The following STARD3NL variants were observed in gnomAD, a reference collection of about 807,000 sequenced individuals.
STARD3NL encodes the protein STARD3 N-terminal like.
STARD3NL carries 17 observed loss-of-function variants against 30.9 expected under a neutral mutation model. That is an observed-to-expected ratio of 0.55 (90% confidence interval 0.38 to 0.82). The LOEUF is 0.82. Among genes scored for constraint, STARD3NL ranks in the 40% least tolerant of loss-of-function variants. STARD3NL has a pLI of 0.00. For synonymous variants in STARD3NL, 112 were observed against 100.5 expected (o/e 1.11, Z -0.69); for missense variants, 234 against 277.6 (o/e 0.84, Z 1.12).
intron 3 of STARD3NL, 94 bp from the exon 4 acceptor site, chr7:38,214,934 T>A (rs1002601912): frequency 6.2e-6 from 7 of 1,130,180 alleles, no homozygotes; most frequent in Non-Finnish European, 9.0e-6. Context: ...TCCAGCTAAA[T>A]CACAGTAATG....
intron 1 of STARD3NL, among the ~76,000 whole-genome samples, chr7:38,202,827 G>T (rs1469085475): frequency 6.7e-6 from 1 of 148,574 alleles, no homozygotes; most frequent in African/African-American, 2.5e-5. Flanking sequence ...TGCGGTGTTT[G>T]GTTTTTTGTC....
At chr7:38,202,474 GA>G in intron 1 of STARD3NL, among the ~76,000 whole-genome samples, 1 of 152,200 alleles carries the variant, frequency 6.6e-6, no homozygotes, top group Non-Finnish European at 1.5e-5. Flanking sequence ...CAAAAAGTGT[GA>G]AAAAGGCCAA....
At chr7:38,205,847 C>G (rs1347781765) in intron 1 of STARD3NL, among the ~76,000 whole-genome samples, 1 of 152,112 alleles carries the variant, frequency 6.6e-6, no homozygotes, top group African/African-American at 2.4e-5. Flanking sequence ...TGTTTCTTTC[C>G]TCTTTCTTGA....
intron 7 of STARD3NL, among the ~76,000 whole-genome samples, chr7:38,224,535 G>A (rs2116426898): frequency 6.6e-6 from 1 of 152,220 alleles, no homozygotes; most frequent in Non-Finnish European, 1.5e-5. Flanking sequence ...TTTTAATTGT[G>A]TGCCGTTCTG....
At chr7:38,183,432 C>T (rs2115905948) in intron 1 of STARD3NL, among the ~76,000 whole-genome samples, 1 of 152,252 alleles carries the variant, frequency 6.6e-6, no homozygotes, top group Middle Eastern at 3.4e-3. Context: ...CATTTTATTT[C>T]CTGCATAGCA....
intron 1 of STARD3NL, among the ~76,000 whole-genome samples, chr7:38,200,389 C>G (rs1177628393): frequency 1.3e-5 from 2 of 152,032 alleles, no homozygotes; most frequent in African/African-American, 4.8e-5. Context: ...CTTCCCTGTT[C>G]CACTATTTTT....
intron 7 of STARD3NL, among the ~76,000 whole-genome samples, chr7:38,220,877 G>T (rs1583827054): frequency 6.6e-6 from 1 of 152,066 alleles, no homozygotes; most frequent in Non-Finnish European, 1.5e-5. Flanking sequence ...GCCAAGGTAG[G>T]AGGATCGCTT....
Position 38,217,075 on chromosome 7 carries a change from G to T in STARD3NL, c.432G>T (p.Ser144=), listed in dbSNP as rs562214446. Residue 144 remains serine, a synonymous_variant, in exon 5 of 9, where the codon TCG becomes TCT. Transcript: ENST00000009041. ...SAFLLAKVIL[S]KLFSQGAFGY... Reference sequence around the variant, plus strand: ...TTTTACTAGCAAAAGTGATCCTTTCGAAGGTATGGCCTACCACTTTTTCTA... The same window carrying T: ...TTTTACTAGCAAAAGTGATCCTTTCTAAGGTATGGCCTACCACTTTTTCTA... The T allele has an allele frequency of 6.2e-7, 1 of 1,614,058 alleles. No individual in the cohort carries two copies. The highest frequency in any genetic ancestry group is 2.2e-5 in the East Asian group (1 of 44,880).
chr7:38,219,653 C>G lies in STARD3NL; in HGVS notation c.642C>G (p.Ser214=), dbSNP rs770075356. 8.1e-6 allele frequency: 13 copies of G among 1,611,548 alleles called. No homozygotes were observed. The highest frequency in any genetic ancestry group is 1.1e-5 in the Non-Finnish European group (13 of 1,178,152). ...GTCAGTTTTATTCCCCTCCTGAATC[C>G]GAAGCAGGTAAAAAACTTGATTATT... ...SDGQFYSPPE[S]EAGSEEAEEK... Residue 214 remains serine (S), a synonymous_variant, in exon 7 of 9, where the codon TCC becomes TCG. Coordinates refer to ENST00000009041, the MANE Select transcript of STARD3NL (RefSeq NM_032016.4).
At chr7:38,188,887 A>G (rs1784570173) in intron 1 of STARD3NL, among the ~76,000 whole-genome samples, 1 of 152,230 alleles carries the variant, frequency 6.6e-6, no homozygotes, top group African/African-American at 2.4e-5. Context: ...CGGGAGATAA[A>G]TTAATGTCTG....
At chr7:38,212,286 C>A (rs1291702576) in intron 2 of STARD3NL, among the ~76,000 whole-genome samples, 1 of 152,206 alleles carries the variant, frequency 6.6e-6, no homozygotes, top group African/African-American at 2.4e-5. Context: ...CACTTGCCTT[C>A]TTCTGTTCTC....
chr7:38,214,992 A>AT lies in STARD3NL; in HGVS notation c.304-30dup, dbSNP rs771325666. On this transcript the variant is annotated intron_variant, in intron 3 of 8. Coordinates refer to ENST00000009041, the MANE Select transcript of STARD3NL (RefSeq NM_032016.4). Reference sequence around the variant, plus strand: ...ATAAAGCTGTGTCATTTTTGTATATATTTTTTAAAACATCCCTTTATTTTC... The same window carrying AT: ...ATAAAGCTGTGTCATTTTTGTATATATTTTTTTAAAACATCCCTTTATTTTC... 2.3e-5 allele frequency: 37 copies of AT among 1,580,716 alleles called. No individual in the cohort carries two copies. The Middle Eastern group carries it at 8.3e-4, about 35-fold the overall frequency.
chr7:38,226,409 A>C (rs1786770884), intron 7 of STARD3NL, among the ~76,000 whole-genome samples: 1 of 152,022 alleles, frequency 6.6e-6, no homozygotes, highest in Non-Finnish European at 1.5e-5. Context: ...GGAGTTACCC[A>C]TGTCTAGAGC....
At chr7:38,214,464 G>A (rs1052249319) in intron 3 of STARD3NL, 30 bp downstream of exon 3, 1 of 1,441,108 alleles carries the variant, frequency 6.9e-7, no homozygotes, top group African/African-American at 1.4e-5. Flanking sequence ...CATTTCAGAT[G>A]TGATAAAACT....
chr7:38,212,295 T>G (rs1358038811), intron 2 of STARD3NL, among the ~76,000 whole-genome samples: 1 of 152,254 alleles, frequency 6.6e-6, no homozygotes, highest in East Asian at 1.9e-4. Context: ...TCTTCTGTTC[T>G]CAGAAAGGAA....
intron 7 of STARD3NL, among the ~76,000 whole-genome samples, chr7:38,228,385 C>CT (rs748630148): frequency 2.8e-4 from 43 of 152,328 alleles, no homozygotes; most frequent in Non-Finnish European, 5.3e-4. Context: ...ACAGTGCTCT[C>CT]TCACTGCTCT....
At chr7:38,223,264 AG>A (rs1293815443) in intron 7 of STARD3NL, among the ~76,000 whole-genome samples, 4 of 152,200 alleles carry the variant, frequency 2.6e-5, no homozygotes, top group African/African-American at 9.7e-5. Context: ...ATACTTGTAA[AG>A]GATATAAAAA....
chr7:38,214,355 A>C lies in STARD3NL; in HGVS notation c.226-2A>C. 1 of 1,589,246 alleles carries C rather than the reference A, an allele frequency of 6.3e-7. No homozygotes were observed. The highest frequency in any genetic ancestry group is 8.6e-7 in the Non-Finnish European group (1 of 1,160,938). On this transcript the variant is annotated splice_acceptor_variant, in intron 2 of 8. Transcript: ENST00000009041. LOFTEE classifies it high-confidence loss of function. ...GTTTTTGCTTCTTACTCTCCTTTCTAGGTGAATGGAGGCATTGAGAACACA... is the reference window on the plus strand; with the variant it reads ...GTTTTTGCTTCTTACTCTCCTTTCTCGGTGAATGGAGGCATTGAGAACACA...
At chr7:38,179,989 G>A (rs1020804117) in intron 1 of STARD3NL, among the ~76,000 whole-genome samples, 1 of 152,232 alleles carries the variant, frequency 6.6e-6, no homozygotes, top group African/African-American at 2.4e-5. Context: ...CCTAGGGGAG[G>A]GTGAGGTGAG....
Sources: gnomAD v4.1 joint callset for allele counts (sites outside exome capture counted in the v4.1 genomes callset) on GRCh38, gnomAD v4.1.1 for gene constraint, MANE v1.5 for transcripts, NCBI Gene and HGNC (gene_info 2026-07-23, HGNC 2026-07-21) for gene names.